The following CCDC7 variants were observed in gnomAD, a reference collection of about 807,000 sequenced individuals.
CCDC7 encodes coiled-coil domain-containing protein 7.
Under a neutral mutation model 196.9 loss-of-function variants are expected in CCDC7, and 183 were observed. The ratio of observed to expected loss-of-function variants is 0.93; its 90% CI spans 0.82 to 1.05. The LOEUF (loss-of-function observed/expected upper bound fraction) is 1.05, where lower values mean the gene tolerates loss of function less well. CCDC7 is among the 50% of genes least tolerant of loss of function. The probability of loss-of-function intolerance (pLI) is 0.00; values close to 1 mark genes in which losing one functional copy is unlikely to be tolerated. For synonymous variants in CCDC7, 525 were observed against 484.6 expected, an observed-to-expected ratio of 1.08 and a Z score of -1.10; for missense variants, 1,540 against 1,482.2, an observed-to-expected ratio of 1.04 and a Z score of -0.64.
intron 13 of CCDC7, among the ~76,000 whole-genome samples, chr10:32,562,743 C>G (rs1300558386): frequency 3.3e-5 from 5 of 151,822 alleles, no homozygotes; most frequent in African/African-American, 1.2e-4. Context: ...TGGCACAAGA[C>G]AGGGATGCCC....
chr10:32,501,945 G>T (rs1011540560), intron 9 of CCDC7, among the ~76,000 whole-genome samples: 2 of 152,134 alleles, frequency 1.3e-5, no homozygotes, highest in Non-Finnish European at 2.9e-5. Flanking sequence ...GCCCACAGTC[G>T]CCCCTTCCCC....
intron 18 of CCDC7, among the ~76,000 whole-genome samples, chr10:32,587,538 C>T (rs573014953): frequency 5.3e-5 from 8 of 152,188 alleles, no homozygotes; most frequent in Non-Finnish European, 1.0e-4. Context: ...TAACTCTCAA[C>T]ATTGTTGCAC....
At chr10:32,635,233 T>C in intron 20 of CCDC7, 75 bp downstream of exon 21, 1 of 392,090 alleles carries the variant, frequency 2.6e-6, no homozygotes, top group Non-Finnish European at 4.5e-6. Context: ...TTCATGAATA[T>C]ATCTACAACT....
intron 28 of CCDC7, among the ~76,000 whole-genome samples, chr10:32,759,273 C>T (rs2077017314): frequency 6.6e-6 from 1 of 152,146 alleles, no homozygotes; most frequent in Admixed American, 6.5e-5. Flanking sequence ...CAAAAAAGAG[C>T]CCGCATTGCC....
chr10:32,749,805 A>G (rs1470681377), intron 28 of CCDC7, among the ~76,000 whole-genome samples: 1 of 152,182 alleles, frequency 6.6e-6, no homozygotes, highest in Non-Finnish European at 1.5e-5. Context: ...TGTTACAGGT[A>G]ATTTCATAAG....
chr10:32,691,256 C>T (rs781181842), intron 23 of CCDC7, among the ~76,000 whole-genome samples: 9 of 152,104 alleles, frequency 5.9e-5, no homozygotes, highest in Non-Finnish European at 1.0e-4. Flanking sequence ...ATGGGGTCAT[C>T]GCATTCTGGA....
At chr10:32,656,598 G>T (rs1184742449) in intron 20 of CCDC7, among the ~76,000 whole-genome samples, 1 of 152,108 alleles carries the variant, frequency 6.6e-6, no homozygotes, top group East Asian at 1.9e-4. Flanking sequence ...ATAGCATGGG[G>T]GTAACTGCCC....
chr10:32,674,219 T>A (rs928413347), intron 21 of CCDC7, among the ~76,000 whole-genome samples: 5 of 151,976 alleles, frequency 3.3e-5, no homozygotes, highest in Non-Finnish European at 7.4e-5. Flanking sequence ...TTATAGTGAT[T>A]ATCAACTTTC....
intron 24 of CCDC7, among the ~76,000 whole-genome samples, chr10:32,706,960 A>C (rs1343768401): frequency 6.6e-6 from 1 of 152,222 alleles, no homozygotes; most frequent in East Asian, 1.9e-4. Flanking sequence ...ATCCTCCCCA[A>C]CTCATTTTAT....
At chr10:32,500,272 C>A (rs188316522) in intron 9 of CCDC7, among the ~76,000 whole-genome samples, 1 of 151,338 alleles carries the variant, frequency 6.6e-6, no homozygotes, top group Non-Finnish European at 1.5e-5. Flanking sequence ...CCGGTGGAGA[C>A]GCTCCTCACC....
At chr10:32,681,945 A>G (rs2075915605) in intron 21 of CCDC7, among the ~76,000 whole-genome samples, 1 of 152,104 alleles carries the variant, frequency 6.6e-6, no homozygotes, top group South Asian at 2.1e-4. Flanking sequence ...ATATATATAT[A>G]TATTCTTTCT....
exon 1 of CCDC7, chr10:32,446,209 G>T (rs1485318960): frequency 3.9e-5 from 6 of 152,184 alleles, no homozygotes; most frequent in African/African-American, 1.2e-4. Context: ...GCAGAGGCCG[G>T]GCCTTTTCTT....
chr10:32,873,688 A>T (rs77948029), intron 41 of CCDC7, among the ~76,000 whole-genome samples: 3,201 of 152,050 alleles, frequency 0.021, 49 homozygotes, highest in Non-Finnish European at 0.028. Context: ...TGCTATGAAC[A>T]TTCATGTGAC....
At chr10:32,605,998 A>G (rs2061523567) in intron 18 of CCDC7, among the ~76,000 whole-genome samples, 1 of 152,268 alleles carries the variant, frequency 6.6e-6, no homozygotes, top group Non-Finnish European at 1.5e-5. Context: ...ATAGCAGCCC[A>G]TCCCATCACA....
At chr10:32,661,711 G>T (rs1411520252) in intron 20 of CCDC7, among the ~76,000 whole-genome samples, 1 of 152,126 alleles carries the variant, frequency 6.6e-6, no homozygotes, top group African/African-American at 2.4e-5. Flanking sequence ...TCAAAATTCT[G>T]CCCAGTGCCC....
intron 28 of CCDC7, among the ~76,000 whole-genome samples, chr10:32,769,802 G>A (rs1166978177): frequency 6.6e-6 from 1 of 152,174 alleles, no homozygotes; most frequent in Non-Finnish European, 1.5e-5. Context: ...CCCTGCAAAA[G>A]ACATGAACTC....
intron 13 of CCDC7, among the ~76,000 whole-genome samples, chr10:32,550,779 AT>A (rs1251444775): frequency 2.0e-5 from 3 of 152,024 alleles, no homozygotes; most frequent in East Asian, 3.9e-4. Flanking sequence ...TCTTTTTGTT[AT>A]ATTGTTGGAT....
intron 29 of CCDC7, among the ~76,000 whole-genome samples, chr10:32,782,417 G>A (rs1365465698): frequency 6.6e-6 from 1 of 152,096 alleles, no homozygotes; most frequent in Non-Finnish European, 1.5e-5. Flanking sequence ...TAGAAGAAAC[G>A]GGGTTTCACT....
At chr10:32,810,582 C>A (rs1321854694) in intron 30 of CCDC7, among the ~76,000 whole-genome samples, 2 of 152,090 alleles carry the variant, frequency 1.3e-5, no homozygotes, top group African/African-American at 4.8e-5. Context: ...AACTTCAACA[C>A]CTCATTCTCA....
Sources: allele counts gnomAD v4.1 joint callset (sites outside exome capture counted in the v4.1 genomes callset), GRCh38; gene constraint gnomAD v4.1.1; transcripts MANE v1.5; gene names NCBI Gene and HGNC (gene_info 2026-07-23, HGNC 2026-07-21).